Variants in KCNK2 observed in about 807,000 individuals in gnomAD.
KCNK2 encodes the protein potassium channel subfamily K member 2.
Under a neutral mutation model 40.5 loss-of-function variants are expected in KCNK2, and 21 were observed. The ratio of observed to expected loss-of-function variants is 0.52; its 90% CI spans 0.37 to 0.75. The LOEUF (loss-of-function observed/expected upper bound fraction) is 0.75, where lower values mean the gene tolerates loss of function less well. Among genes scored for constraint, KCNK2 ranks in the 30% least tolerant of loss-of-function variants. The pLI, the probability that KCNK2 is intolerant of heterozygous loss-of-function variation, is 0.00. For missense variants in KCNK2, 399 were observed against 531.6 expected (o/e 0.75, Z 2.45); for synonymous variants, 191 against 202.2 (o/e 0.94, Z 0.47).
intron 3 of KCNK2, among the ~76,000 whole-genome samples, chr1:215,161,629 C>G (rs1663201256): frequency 6.6e-6 from 1 of 151,678 alleles, no homozygotes; most frequent in Non-Finnish European, 1.5e-5. Context: ...TCCCTGTGTC[C>G]ATGTGTTCTC....
intron 1 of KCNK2, among the ~76,000 whole-genome samples, chr1:215,063,219 A>G (rs1281974641): frequency 6.6e-6 from 1 of 152,218 alleles, no homozygotes; most frequent in Non-Finnish European, 1.5e-5. Flanking sequence ...CTGGAGAAAC[A>G]TGCAATTGAA....
intron 5 of KCNK2, among the ~76,000 whole-genome samples, chr1:215,173,631 G>A (rs1663821295): frequency 6.6e-6 from 1 of 152,282 alleles, no homozygotes; most frequent in East Asian, 1.9e-4. Flanking sequence ...TCCAGCACCT[G>A]TTGTTTCCTG....
intron 1 of KCNK2, among the ~76,000 whole-genome samples, chr1:215,014,725 T>C (rs955060945): frequency 6.6e-6 from 1 of 152,068 alleles, no homozygotes; most frequent in Non-Finnish European, 1.5e-5. Context: ...AGGTTTTACT[T>C]ATACAAGGAG....
At chr1:215,207,074 C>T (rs1665343773) in intron 6 of KCNK2, among the ~76,000 whole-genome samples, 1 of 152,150 alleles carries the variant, frequency 6.6e-6, no homozygotes, top group East Asian at 1.9e-4. Context: ...ATTAGCAGAC[C>T]AGTTGACACA....
intron 3 of KCNK2, among the ~76,000 whole-genome samples, chr1:215,137,645 C>T (rs974193649): frequency 5.3e-5 from 8 of 152,178 alleles, no homozygotes; most frequent in South Asian, 2.1e-4. Context: ...TGAACTTTTC[C>T]GAGTTATTTA....
chr1:215,011,456 C>T (rs1656383690), intron 1 of KCNK2, among the ~76,000 whole-genome samples: 2 of 151,616 alleles, frequency 1.3e-5, no homozygotes, highest in Admixed American at 1.3e-4. Context: ...ACCACATCGG[C>T]TAAATTTTTA....
chr1:215,151,192 A>T (rs975221911), intron 3 of KCNK2, among the ~76,000 whole-genome samples: 1 of 152,210 alleles, frequency 6.6e-6, no homozygotes, highest in East Asian at 1.9e-4. Context: ...TTGCACATCT[A>T]CCTTTATCAG....
At chr1:215,061,830 G>A (rs1009721528) in intron 1 of KCNK2, among the ~76,000 whole-genome samples, 7 of 152,074 alleles carry the variant, frequency 4.6e-5, no homozygotes, top group Admixed American at 3.9e-4. Flanking sequence ...ATAAGACTGA[G>A]ATTCCATGGC....
chr1:215,172,209 A>G, intron 5 of KCNK2, 26 bp downstream of exon 5: 2 of 1,585,838 alleles, frequency 1.3e-6, no homozygotes, highest in Non-Finnish European at 1.7e-6. Context: ...CATCCATGTT[A>G]CTCTTCTAAC....
At chr1:215,023,932 C>G (rs771270213) in intron 1 of KCNK2, among the ~76,000 whole-genome samples, 3 of 152,130 alleles carry the variant, frequency 2.0e-5, no homozygotes, top group African/African-American at 4.8e-5. Flanking sequence ...CATTAGGACA[C>G]AAAAGAGGAG....
chr1:215,217,801 G>C (rs1013870071), intron 6 of KCNK2, among the ~76,000 whole-genome samples: 1 of 152,100 alleles, frequency 6.6e-6, no homozygotes, highest in Admixed American at 6.6e-5. Context: ...ATGGACTTAG[G>C]GTAGTTTAAA....
At chr1:215,025,401 G>C (rs762820628) in intron 1 of KCNK2, among the ~76,000 whole-genome samples, 4 of 151,654 alleles carry the variant, frequency 2.6e-5, no homozygotes, top group Non-Finnish European at 5.9e-5. Flanking sequence ...TCCTTTTTCT[G>C]TTTCCTTATT....
At chr1:215,041,729 C>T (rs554419178) in intron 1 of KCNK2, among the ~76,000 whole-genome samples, 1 of 152,100 alleles carries the variant, frequency 6.6e-6, no homozygotes, top group African/African-American at 2.4e-5. Context: ...TTCAGGTGAG[C>T]CAATAAGATT....
At chr1:215,093,170 A>G (rs1659765463) in intron 2 of KCNK2, among the ~76,000 whole-genome samples, 1 of 151,882 alleles carries the variant, frequency 6.6e-6, no homozygotes, top group South Asian at 2.1e-4. Flanking sequence ...TGGTTCCAGG[A>G]GCACTTCAAC....
chr1:215,113,969 C>G (rs2102566911), intron 2 of KCNK2, among the ~76,000 whole-genome samples: 1 of 152,260 alleles, frequency 6.6e-6, no homozygotes, highest in African/African-American at 2.4e-5. Flanking sequence ...TAGTCATCTC[C>G]TAATGCCCAT....
chr1:215,230,553 A>C (rs1666612129), intron 6 of KCNK2, among the ~76,000 whole-genome samples: 1 of 119,520 alleles, frequency 8.4e-6, no homozygotes, highest in Non-Finnish European at 1.7e-5. Context: ...ACACACACAT[A>C]ACAGCCATAT....
intron 6 of KCNK2, among the ~76,000 whole-genome samples, chr1:215,228,061 C>G: frequency 6.6e-6 from 1 of 152,030 alleles, no homozygotes; most frequent in East Asian, 1.9e-4. Context: ...GTCAGTTATA[C>G]AGATGCGGAA....
chr1:215,197,310 T>C (rs1664904878), intron 6 of KCNK2, among the ~76,000 whole-genome samples: 1 of 152,154 alleles, frequency 6.6e-6, no homozygotes, highest in African/African-American at 2.4e-5. Flanking sequence ...AACATGGGAC[T>C]TTTTTTCCTC....
upstream of KCNK2, among the ~76,000 whole-genome samples, chr1:215,078,427 G>A (rs956302521): frequency 3.3e-5 from 5 of 152,190 alleles, no homozygotes; most frequent in Admixed American, 2.0e-4. Context: ...TCATAGTTCC[G>A]CATGGCTGGG....
Sources: allele counts gnomAD v4.1 joint callset (sites outside exome capture counted in the v4.1 genomes callset), GRCh38; gene constraint gnomAD v4.1.1; transcripts MANE v1.5; gene names NCBI Gene and HGNC (gene_info 2026-07-23, HGNC 2026-07-21).